The following SPRR2B variants were observed in gnomAD, a reference collection of about 807,000 sequenced individuals.
SPRR2B encodes small proline rich protein 2B.
In SPRR2B, 1 loss-of-function variant was observed where a neutral mutation model predicts 1.0. The observed-to-expected ratio is 1.01, with a 90% CI of 0.36 to 4.77. The LOEUF is 4.77. SPRR2B is among the 30% of genes most tolerant of loss of function. The pLI is 0.16. For missense variants in SPRR2B, 53 were observed against 88.7 expected (o/e 0.60, Z 1.62); for synonymous variants, 27 against 33.4 (o/e 0.81, Z 0.66).
chr1:153,070,530 T>G lies in SPRR2B; in HGVS notation c.*91A>C. ...AAAGAAGCTCCCTATGAATCCATGATAAGCTTTGATGAGAAGATGAAGGTG... is the reference window on the plus strand; with the variant it reads ...AAAGAAGCTCCCTATGAATCCATGAGAAGCTTTGATGAGAAGATGAAGGTG... On this transcript the variant is annotated 3_prime_UTR_variant, in exon 2 of 2. Coordinates refer to ENST00000368755, the MANE Select transcript of SPRR2B (RefSeq NM_001388198.1). 2 of 1,546,958 alleles carry G rather than the reference T, an allele frequency of 1.3e-6. No homozygotes were observed. The highest frequency in any genetic ancestry group is 1.4e-5 in the African/African-American group (1 of 73,340).
chr1:153,081,628 G>T, the SPRR2B span, among the ~76,000 whole-genome samples: 1 of 152,090 alleles, frequency 6.6e-6, no homozygotes, highest in African/African-American at 2.4e-5. Flanking sequence ...ATGTACACTG[G>T]TATATAAAAG....
chr1:153,085,281 T>TA, the SPRR2B span, among the ~76,000 whole-genome samples: 1 of 151,912 alleles, frequency 6.6e-6, no homozygotes, highest in African/African-American at 2.4e-5. Flanking sequence ...AGAATCACAA[T>TA]AAAACAACAC....
the SPRR2B span, among the ~76,000 whole-genome samples, chr1:153,077,842 C>A: frequency 7.8e-3 from 1,181 of 152,228 alleles, 7 homozygotes; most frequent in Non-Finnish European, 0.012. Flanking sequence ...TATGAGTCAA[C>A]TTTTTGATGC....
chr1:153,087,083 T>G, the SPRR2B span, among the ~76,000 whole-genome samples: 1 of 152,062 alleles, frequency 6.6e-6, no homozygotes, highest in African/African-American at 2.4e-5. Flanking sequence ...GGGAAATTTA[T>G]AGCACTATAA....
At chr1:153,072,866 T>A (rs1654698078), upstream of SPRR2B, among the ~76,000 whole-genome samples, 1 of 152,218 alleles carries the variant, frequency 6.6e-6, no homozygotes, top group South Asian at 2.1e-4. Flanking sequence ...TCAATGGGGC[T>A]TACTAAGCAT....
chr1:153,070,304 AAGACAGACAC>A lies in SPRR2B; in HGVS notation c.*307_*316del. ...GTGGTAGAAGCTCATGCCCAGGTGAAAGACAGACACAGAACACATCAACAGAATTCTCTGA... is the reference window on the plus strand; with the variant it reads ...GTGGTAGAAGCTCATGCCCAGGTGAAAGAACACATCAACAGAATTCTCTGA... On this transcript the variant is annotated 3_prime_UTR_variant, in exon 2 of 2. Transcript: ENST00000368755. 2.1e-6 allele frequency: 1 copy of A among 485,926 alleles called. No individual in the cohort carries two copies. The highest frequency in any genetic ancestry group is 3.6e-6 in the Non-Finnish European group (1 of 280,148). 30.1% of individuals were successfully genotyped at this position (485,926 alleles called of 1,614,324 possible). A position where few individuals can be genotyped will look rare whatever the true frequency, so the allele number is the denominator to read the frequency against.
At chr1:153,084,233 T>A in the SPRR2B span, among the ~76,000 whole-genome samples, 1 of 152,154 alleles carries the variant, frequency 6.6e-6, no homozygotes, top group Non-Finnish European at 1.5e-5. Flanking sequence ...TGCCAGCATG[T>A]GAGTGCATGA....
At chr1:153,072,844 C>T (rs188722745), upstream of SPRR2B, among the ~76,000 whole-genome samples, 26 of 152,290 alleles carry the variant, frequency 1.7e-4, no homozygotes, top group Middle Eastern at 6.8e-3. Flanking sequence ...CTTTTTAAAA[C>T]TCTTCCTGCA....
In SPRR2B at chr1:153,070,319, C is replaced by T; in HGVS notation, c.*302G>A. The stretch of plus-strand genomic sequence containing the variant: ...GCCCAGGTGAAAGACAGACACAGAA[C>T]ACATCAACAGAATTCTCTGATGGTT... On this transcript the variant is annotated 3_prime_UTR_variant, in exon 2 of 2. Transcript: ENST00000368755. 1.9e-6 allele frequency: 1 copy of T among 538,330 alleles called. No homozygotes were observed. Among genetic ancestry groups the T allele is most frequent in the Non-Finnish European group, 3.2e-6 (1 of 310,668 alleles). 33.3% of individuals were successfully genotyped at this position (538,330 alleles called of 1,614,324 possible). A position where few individuals can be genotyped will look rare whatever the true frequency, so the allele number is the denominator to read the frequency against.
chr1:153,086,711 T>G, the SPRR2B span, among the ~76,000 whole-genome samples: 4 of 152,328 alleles, frequency 2.6e-5, no homozygotes, highest in East Asian at 7.7e-4. Context: ...TACCAAAACT[T>G]AGCACTGGAT....
the SPRR2B span, among the ~76,000 whole-genome samples, chr1:153,082,550 T>C: frequency 6.6e-6 from 1 of 152,054 alleles, no homozygotes; most frequent in African/African-American, 2.4e-5. Context: ...AATCTTATAA[T>C]CAAATTAAAA....
At chr1:153,082,279 C>T in the SPRR2B span, among the ~76,000 whole-genome samples, 78 of 152,036 alleles carry the variant, frequency 5.1e-4, no homozygotes, top group African/African-American at 1.6e-3. Flanking sequence ...AGAAAGAAGA[C>T]CTTCCTTATC....
chr1:153,086,311 C>A, the SPRR2B span, among the ~76,000 whole-genome samples: 1 of 152,026 alleles, frequency 6.6e-6, no homozygotes, highest in South Asian at 2.1e-4. Context: ...CACATAGGCT[C>A]AAAGTAAAGG....
chr1:153,070,524 C>A lies in SPRR2B; in HGVS notation c.*97G>T. 6.5e-7 allele frequency: 1 copy of A among 1,540,894 alleles called. No individual in the cohort carries two copies. Among genetic ancestry groups the A allele is most frequent in the Non-Finnish European group, 8.8e-7 (1 of 1,142,304 alleles). On this transcript the variant is annotated 3_prime_UTR_variant, in exon 2 of 2. Coordinates refer to ENST00000368755, the MANE Select transcript of SPRR2B (RefSeq NM_001388198.1). Reference sequence around the variant, plus strand: ...AAGGGGAAAGAAGCTCCCTATGAATCCATGATAAGCTTTGATGAGAAGATG... The same window carrying A: ...AAGGGGAAAGAAGCTCCCTATGAATACATGATAAGCTTTGATGAGAAGATG...
At chr1:153,072,593 C>A (rs962142729), upstream of SPRR2B, among the ~76,000 whole-genome samples, 4 of 152,144 alleles carry the variant, frequency 2.6e-5, no homozygotes, top group Non-Finnish European at 4.4e-5. Context: ...GGGAAAATAT[C>A]AACTCAGTGT....
At chr1:153,085,504 T>A in the SPRR2B span, among the ~76,000 whole-genome samples, 4 of 152,202 alleles carry the variant, frequency 2.6e-5, no homozygotes, top group Non-Finnish European at 5.9e-5. Context: ...AAGGAATGAA[T>A]GAAGCCTCAG....
At chr1:153,077,673 G>A in the SPRR2B span, among the ~76,000 whole-genome samples, 7,586 of 150,796 alleles carry the variant, frequency 0.05, 266 homozygotes, top group Middle Eastern at 0.11. Context: ...CTGGAATGCA[G>A]TGGCATGATC....
the SPRR2B span, among the ~76,000 whole-genome samples, chr1:153,087,735 A>G: frequency 6.6e-6 from 1 of 152,224 alleles, no homozygotes; most frequent in Non-Finnish European, 1.5e-5. Context: ...ATGAGCTCCA[A>G]AATTGAATCA....
chr1:153,079,267 C>A, the SPRR2B span, among the ~76,000 whole-genome samples: 503 of 151,884 alleles, frequency 3.3e-3, 2 homozygotes, highest in Non-Finnish European at 5.2e-3. Context: ...GGATATTAGC[C>A]CTTTGTCAGA....
Sources: gnomAD v4.1 joint callset for allele counts (sites outside exome capture counted in the v4.1 genomes callset) on GRCh38, gnomAD v4.1.1 for gene constraint, MANE v1.5 for transcripts, NCBI Gene and HGNC (gene_info 2026-07-23, HGNC 2026-07-21) for gene names.